Variants in PTPRG observed in about 807,000 individuals in gnomAD.
PTPRG encodes receptor-type tyrosine-protein phosphatase gamma.
Under a neutral mutation model 165.3 loss-of-function variants are expected in PTPRG, and 102 were observed. The observed-to-expected ratio is 0.62, with a 90% CI of 0.53 to 0.73. PTPRG has a LOEUF of 0.73. Ranked by LOEUF, PTPRG falls within the 30% of genes least tolerant of loss-of-function variation. PTPRG has a pLI of 0.00. For synonymous variants in PTPRG, 675 were observed against 669.5 expected, an observed-to-expected ratio of 1.01 and a Z score of -0.13; for missense variants, 1,866 against 1,861.4, an observed-to-expected ratio of 1.00 and a Z score of -0.05.
At chr3:61,836,318 C>T (rs2036460847) in intron 2 of PTPRG, among the ~76,000 whole-genome samples, 1 of 152,152 alleles carries the variant, frequency 6.6e-6, no homozygotes, top group Non-Finnish European at 1.5e-5. Flanking sequence ...TCACCTTCCT[C>T]ATTGTTTTCT....
At chr3:61,728,588 AAAC>A (rs934718840) in intron 1 of PTPRG, among the ~76,000 whole-genome samples, 1 of 152,188 alleles carries the variant, frequency 6.6e-6, no homozygotes, top group African/African-American at 2.4e-5. Flanking sequence ...GTCTCAAAAA[AAAC>A]AAGTTAAAAA....
At chr3:61,718,193 CAAAACAAAAAAACAAAAACCAA>C (rs2031893989) in intron 1 of PTPRG, among the ~76,000 whole-genome samples, 1 of 66,434 alleles carries the variant, frequency 1.5e-5, no homozygotes, top group Non-Finnish European at 3.2e-5. Flanking sequence ...CAAAACAAAA[CAAAACAAAAAAACAAAAACCAA>C]AAAAAAAAAA....
chr3:62,062,674 A>G (rs1197135888), intron 4 of PTPRG, among the ~76,000 whole-genome samples: 1 of 80,152 alleles, frequency 1.2e-5, no homozygotes, highest in Non-Finnish European at 3.4e-5. Flanking sequence ...ATTTTATGGC[A>G]TTGTTTTTTT....
chr3:61,993,376 C>T (rs2040943766), intron 3 of PTPRG, among the ~76,000 whole-genome samples: 1 of 152,004 alleles, frequency 6.6e-6, no homozygotes, highest in African/African-American at 2.4e-5. Flanking sequence ...CGCCACCACA[C>T]CCGGCTAATT....
chr3:62,224,554 A>T lies in PTPRG; in HGVS notation c.2288+5571A>T, dbSNP rs919673120. Among the ~76,000 whole-genome samples the T allele has an allele frequency of 6.6e-6, 1 of 152,232 alleles. No individual in the cohort carries two copies. The highest frequency in any genetic ancestry group is 2.4e-5 in the African/African-American group (1 of 41,476). ...GGGAACACGTGGGTATTTGTTAAGC[A>T]CTGCCACAGTATTCTTAAATATTTA... is the stretch of plus-strand genomic sequence containing the variant. On this transcript the variant is annotated intron_variant, in intron 13 of 29. Transcript: ENST00000474889. This position sits in a 1 kb window ranked among gnomAD's most constrained non-coding sequence, Gnocchi z 4.9.
intron 3 of PTPRG, among the ~76,000 whole-genome samples, chr3:61,995,070 T>C (rs909116377): frequency 8.5e-6 from 1 of 117,198 alleles, no homozygotes; most frequent in South Asian, 2.5e-4. Flanking sequence ...TTTTCTTTTT[T>C]CTTTTCTTTC....
At chr3:61,857,388 C>T (rs1329015788) in intron 2 of PTPRG, among the ~76,000 whole-genome samples, 1 of 152,158 alleles carries the variant, frequency 6.6e-6, no homozygotes, top group Non-Finnish European at 1.5e-5. Flanking sequence ...TGGCTCTCTA[C>T]AGCACCATGT....
At chr3:61,813,205 TG>T (rs1389284093) in intron 2 of PTPRG, among the ~76,000 whole-genome samples, 1 of 151,576 alleles carries the variant, frequency 6.6e-6, no homozygotes, top group Non-Finnish European at 1.5e-5. Flanking sequence ...TGAAAATCTT[TG>T]TGGGTATGGC....
chr3:61,627,923 G>C (rs1172673255), intron 1 of PTPRG, among the ~76,000 whole-genome samples: 1 of 152,176 alleles, frequency 6.6e-6, no homozygotes, highest in East Asian at 1.9e-4. Flanking sequence ...CCAAGCCAAA[G>C]GAAAATCTTT....
chr3:61,993,767 C>G (rs938353331), intron 3 of PTPRG, among the ~76,000 whole-genome samples: 3 of 152,000 alleles, frequency 2.0e-5, no homozygotes, highest in African/African-American at 7.3e-5. Flanking sequence ...GAAATAAATT[C>G]AAGAGGGAGT....
intron 6 of PTPRG, among the ~76,000 whole-genome samples, chr3:62,140,771 C>T (rs752904763): frequency 1.6e-4 from 24 of 146,688 alleles, no homozygotes; most frequent in Non-Finnish European, 3.0e-4. Context: ...CACTTGAACC[C>T]GGGAGGTGGA....
At chr3:61,969,260 T>G (rs58213532) in intron 2 of PTPRG, among the ~76,000 whole-genome samples, 3,894 of 152,220 alleles carry the variant, frequency 0.026, 129 homozygotes, top group African/African-American at 0.072. Flanking sequence ...GAGAACCTTG[T>G]CCCTCAACAA....
chr3:62,012,857 C>T (rs1024716483), intron 4 of PTPRG, among the ~76,000 whole-genome samples: 2 of 152,028 alleles, frequency 1.3e-5, no homozygotes, highest in East Asian at 1.9e-4. Context: ...CAGAGAGATA[C>T]GAAGGGAATA....
intron 4 of PTPRG, among the ~76,000 whole-genome samples, chr3:62,062,420 ATTCT>A (rs1432020763): frequency 6.6e-6 from 1 of 152,204 alleles, no homozygotes; most frequent in Non-Finnish European, 1.5e-5. Context: ...TCACAGCAAA[ATTCT>A]TTCAGCTTTG....
At chr3:62,291,830 G>A (rs1702909433) in intron 28 of PTPRG, among the ~76,000 whole-genome samples, 1 of 152,072 alleles carries the variant, frequency 6.6e-6, no homozygotes, top group East Asian at 1.9e-4. Context: ...AGACTTTTTT[G>A]TGAGGCAAAG....
intron 2 of PTPRG, among the ~76,000 whole-genome samples, chr3:61,839,574 T>C (rs985659571): frequency 3.9e-5 from 6 of 152,190 alleles, no homozygotes; most frequent in African/African-American, 1.4e-4. Context: ...ACTGAAAAGA[T>C]AGGAATTTGC....
At chr3:62,065,149 G>A (rs1700969419) in intron 4 of PTPRG, among the ~76,000 whole-genome samples, 1 of 151,606 alleles carries the variant, frequency 6.6e-6, no homozygotes, top group African/African-American at 2.4e-5. Context: ...CTGCACTGTT[G>A]ATTAGAGTAA....
rs917515083 is a variant in PTPRG, at chr3:62,269,110, A to C, written c.2950A>C (p.Lys984Gln). ...GNIIVTLKST[K>Q]IHACYTVRRF... ...CATTATTGTCACGCTGAAGAGCACA[A>C]AAATACATGCCTGCTACACTGTTCG... Residue 984 changes from lysine (K) to glutamine (Q), a missense_variant, in exon 20 of 30, where the codon AAA becomes CAA. Lys to Gln is a moderately conservative substitution (Grantham distance 53). Coordinates refer to ENST00000474889, the MANE Select transcript of PTPRG (RefSeq NM_002841.4). 7 of 1,609,426 alleles carry C rather than the reference A, an allele frequency of 4.3e-6. No individual in the cohort carries two copies. Among genetic ancestry groups the C allele is most frequent in the Non-Finnish European group, 6.0e-6 (7 of 1,176,452 alleles).
At chr3:61,773,551 A>G (rs1186217595) in intron 2 of PTPRG, among the ~76,000 whole-genome samples, 2 of 152,130 alleles carry the variant, frequency 1.3e-5, no homozygotes, top group African/African-American at 4.8e-5. Context: ...TCTTTTGTGT[A>G]AAAGTGTTTT....
Sources: gnomAD v4.1 joint callset for allele counts (sites outside exome capture counted in the v4.1 genomes callset) on GRCh38, gnomAD v4.1.1 for gene constraint, Gnocchi (gnomAD v3.1) non-coding constraint, MANE v1.5 for transcripts, NCBI Gene and HGNC (gene_info 2026-07-23, HGNC 2026-07-21) for gene names.